The following MBD2 variants were observed in gnomAD, a reference collection of about 807,000 sequenced individuals.
MBD2 encodes the protein methyl-CpG binding domain protein 2, also known as methyl-CpG-binding domain protein 2.
MBD2 carries 9 observed loss-of-function variants against 39.3 expected under a neutral mutation model. That is an observed-to-expected ratio of 0.23 (90% confidence interval 0.14 to 0.40). The LOEUF (loss-of-function observed/expected upper bound fraction) is 0.40. Among genes scored for constraint, MBD2 ranks in the 10% least tolerant of loss-of-function variants. The probability of loss-of-function intolerance (pLI) is 1.00; values close to 1 mark genes in which losing one functional copy is unlikely to be tolerated. For synonymous variants in MBD2, 233 were observed against 211.1 expected, an observed-to-expected ratio of 1.10 and a Z score of -0.90; for missense variants, 458 against 532.6, an observed-to-expected ratio of 0.86 and a Z score of 1.38.
intron 2 of MBD2, among the ~76,000 whole-genome samples, chr18:54,194,911 G>A (rs957762343): frequency 3.9e-5 from 6 of 152,038 alleles, no homozygotes; most frequent in African/African-American, 9.7e-5. Context: ...TGAGTCATTC[G>A]TGTTCTCAAT....
intron 3 of MBD2, among the ~76,000 whole-genome samples, chr18:54,182,302 T>A (rs558217232): frequency 6.6e-5 from 10 of 152,194 alleles, no homozygotes; most frequent in Non-Finnish European, 1.2e-4. Flanking sequence ...CTAAGGAATG[T>A]CTCTAAATCC....
rs1391594530 is a variant in MBD2 at position 54,154,630 on chromosome 18, A to G, written c.*694T>C. ...AAAAAAATTACACATGCTAGGTGAT[A>G]TTTAGCAGAAATTCTTAGAAATTCT... On this transcript the variant is annotated 3_prime_UTR_variant, in exon 7 of 7. Transcript: ENST00000256429. 6.6e-6 allele frequency: 1 copy of G among 152,274 alleles called. No homozygotes were observed. Among genetic ancestry groups the G allele is most frequent in the Non-Finnish European group, 1.5e-5 (1 of 68,050 alleles). 9.4% of individuals were successfully genotyped at this position (152,274 alleles called of 1,614,324 possible).
intron 3 of MBD2, among the ~76,000 whole-genome samples, chr18:54,182,390 CA>C (rs1253119666): frequency 6.6e-6 from 1 of 152,084 alleles, no homozygotes; most frequent in Non-Finnish European, 1.5e-5. Flanking sequence ...GAGTAAGAAA[CA>C]GCCGCTGAAG....
At chr18:54,155,685 T>A (rs1167597060) in intron 6 of MBD2, among the ~76,000 whole-genome samples, 1 of 152,190 alleles carries the variant, frequency 6.6e-6, no homozygotes, top group Non-Finnish European at 1.5e-5. Flanking sequence ...TTTGAGAAAA[T>A]GTAGAAAAAT....
At chr18:54,207,721 A>G (rs2086461677) in intron 1 of MBD2, among the ~76,000 whole-genome samples, 1 of 152,224 alleles carries the variant, frequency 6.6e-6, no homozygotes, top group African/African-American at 2.4e-5. Flanking sequence ...TAGTAACATT[A>G]CTCTGCCATT....
intron 3 of MBD2, among the ~76,000 whole-genome samples, chr18:54,167,402 T>G (rs183582925): frequency 1.3e-5 from 2 of 152,328 alleles, no homozygotes; most frequent in Non-Finnish European, 2.9e-5. Flanking sequence ...ATCTTCAATT[T>G]ATTTTCTCTT....
chr18:54,155,104 TA>T lies in MBD2; in HGVS notation c.*219del, dbSNP rs1164869407. On this transcript the variant is annotated 3_prime_UTR_variant, in exon 7 of 7. Coordinates refer to ENST00000256429, the MANE Select transcript of MBD2 (RefSeq NM_003927.5). ...GGTCCTGCTTGATATTACAAAAGACTAATTTTAAGTCCTAGGACTCAAAATA... is the reference window on the plus strand; with the variant it reads ...GGTCCTGCTTGATATTACAAAAGACTATTTTAAGTCCTAGGACTCAAAATA... 1 of 152,568 alleles carries T rather than the reference TA, an allele frequency of 6.6e-6. No individual in the cohort carries two copies. The highest frequency in any genetic ancestry group is 1.5e-5 in the Non-Finnish European group (1 of 68,022). 9.5% of individuals were successfully genotyped at this position (152,568 alleles called of 1,614,324 possible).
intron 2 of MBD2, among the ~76,000 whole-genome samples, chr18:54,204,161 C>T (rs1486376165): frequency 1.3e-5 from 2 of 152,278 alleles, no homozygotes; most frequent in African/African-American, 2.4e-5. Context: ...GAAAGAGAGC[C>T]CCTACTTCTC....
chr18:54,199,205 G>A (rs2086388105), intron 2 of MBD2, among the ~76,000 whole-genome samples: 1 of 152,150 alleles, frequency 6.6e-6, no homozygotes. Flanking sequence ...GAAACTTTCT[G>A]GAATTCTAAA....
intron 1 of MBD2, among the ~76,000 whole-genome samples, chr18:54,207,144 T>G (rs951330078): frequency 6.6e-6 from 1 of 152,214 alleles, no homozygotes; most frequent in Non-Finnish European, 1.5e-5. Context: ...GCTTTATATC[T>G]GTTATATAAT....
In MBD2 at chr18:54,198,004, G is replaced by C. The variant is rs536190554; in HGVS notation, c.702+6994C>G. On this transcript the variant is annotated intron_variant, in intron 2 of 6. Transcript: ENST00000256429. Reference sequence around the variant, plus strand: ...TTAATAACTGACAAAAAGGGTATCAGTATCTTTGGCAACAATTTTACTTTC... The same window carrying C: ...TTAATAACTGACAAAAAGGGTATCACTATCTTTGGCAACAATTTTACTTTC... Among the ~76,000 whole-genome samples the C allele has an allele frequency of 2.0e-5, 3 of 152,350 alleles. No individual in the cohort carries two copies. In the South Asian group the frequency reaches 6.2e-4, roughly 32 times the overall value.
intron 3 of MBD2, among the ~76,000 whole-genome samples, chr18:54,166,575 T>C (rs1163143348): frequency 6.6e-6 from 1 of 152,234 alleles, no homozygotes; most frequent in Non-Finnish European, 1.5e-5. Flanking sequence ...CCAATATCAT[T>C]AGAGAAAGAG....
chr18:54,223,005 T>C (rs2086628332), intron 1 of MBD2, among the ~76,000 whole-genome samples: 1 of 152,228 alleles, frequency 6.6e-6, no homozygotes, highest in African/African-American at 2.4e-5. Context: ...TTGTCTCCAA[T>C]ACCCATATAC....
chr18:54,224,095 G>C lies in MBD2; in HGVS notation c.465C>G (p.Leu155=). 1 of 1,594,652 alleles carries C rather than the reference G, an allele frequency of 6.3e-7. No homozygotes were observed. Among genetic ancestry groups the C allele is most frequent in the Non-Finnish European group, 8.5e-7 (1 of 1,174,252 alleles). Residue 155 remains leucine (L), a synonymous_variant, in exon 1 of 7, where the codon CTC becomes CTG. Transcript: ENST00000256429. ...CTTCCTCCTTCTTCCATCCGGGGGG[G>C]AGGGCCGGGCAATCCATCCTCTTCC... is the stretch of plus-strand genomic sequence containing the variant. The part of the protein sequence containing the change: ...ESGKRMDCPA[L]PPGWKKEEVI...
At chr18:54,203,349 T>C (rs2086423846) in intron 2 of MBD2, among the ~76,000 whole-genome samples, 1 of 152,174 alleles carries the variant, frequency 6.6e-6, no homozygotes, top group Non-Finnish European at 1.5e-5. Context: ...TCTGTGCATT[T>C]AAGAAGCAAA....
At chr18:54,217,295 G>T (rs1275537879) in intron 1 of MBD2, among the ~76,000 whole-genome samples, 7 of 152,076 alleles carry the variant, frequency 4.6e-5, no homozygotes, top group Admixed American at 4.6e-4. Context: ...AACAAAGACA[G>T]GATGAAATCA....
intron 3 of MBD2, among the ~76,000 whole-genome samples, chr18:54,180,903 C>CTTTTTTTTTTTTTTTTT (rs1189903798): frequency 6.0e-5 from 3 of 49,874 alleles, no homozygotes; most frequent in South Asian, 5.9e-4. Flanking sequence ...TTTTCTTTTT[C>CTTTTTTTTTTTTTTTTT]TTTTTTTTTT....
intron 2 of MBD2, among the ~76,000 whole-genome samples, chr18:54,204,616 C>A (rs1284071939): frequency 6.6e-6 from 1 of 152,152 alleles, no homozygotes; most frequent in East Asian, 1.9e-4. Flanking sequence ...TTCTCAAAAT[C>A]TGAACCTGAA....
intron 3 of MBD2, among the ~76,000 whole-genome samples, chr18:54,179,441 A>G (rs2086234031): frequency 6.6e-6 from 1 of 152,226 alleles, no homozygotes; most frequent in African/African-American, 2.4e-5. Context: ...TCAATCATGA[A>G]TATAAAGGCA....
Sources: gnomAD v4.1 joint callset for allele counts (sites outside exome capture counted in the v4.1 genomes callset) on GRCh38, gnomAD v4.1.1 for gene constraint, MANE v1.5 for transcripts, NCBI Gene and HGNC (gene_info 2026-07-23, HGNC 2026-07-21) for gene names.